The following PPID variants were observed in gnomAD, a reference collection of about 807,000 sequenced individuals.
PPID encodes peptidyl-prolyl cis-trans isomerase D.
In PPID, 47 loss-of-function variants were observed where a neutral mutation model predicts 48.1. The ratio of observed to expected loss-of-function variants is 0.98; its 90% CI spans 0.77 to 1.25. The LOEUF is 1.25. PPID is among the 50% of genes most tolerant of loss of function. The probability of loss-of-function intolerance (pLI) is 0.00; values close to 1 mark genes in which losing one functional copy is unlikely to be tolerated. For synonymous variants in PPID, 163 were observed against 148.8 expected, an observed-to-expected ratio of 1.10 and a Z score of -0.69; for missense variants, 429 against 443.5, an observed-to-expected ratio of 0.97 and a Z score of 0.29.
At chr4:158,723,145 C>G in intron 1 of PPID, 59 bp downstream of exon 1, 1 of 1,516,810 alleles carries the variant, frequency 6.6e-7, no homozygotes, top group Non-Finnish European at 9.0e-7. Context: ...TGGAATCCCC[C>G]AAATCCCGGG....
intron 3 of PPID, among the ~76,000 whole-genome samples, 154 bp from the exon 4 acceptor site, chr4:158,717,354 AT>A (rs1175589963): frequency 1.3e-5 from 2 of 152,176 alleles, no homozygotes; most frequent in Non-Finnish European, 2.9e-5. Flanking sequence ...CACTTATAAA[AT>A]TTTTTAATTA....
chr4:158,723,262 C>T lies in PPID; in HGVS notation c.27G>A (p.Lys9=), dbSNP rs770869818. 2 of 1,614,006 alleles carry T rather than the reference C, an allele frequency of 1.2e-6. No individual in the cohort carries two copies. The highest frequency in any genetic ancestry group is 1.7e-6 in the Non-Finnish European group (2 of 1,179,984). The change falls in exon 1 of 10, where the codon AAG becomes AAA. Residue 9 remains lysine, a synonymous_variant. Coordinates refer to ENST00000307720, the MANE Select transcript of PPID (RefSeq NM_005038.3). ...CTCGAGGGTTACTGGGGTTGGAGGG[C>T]TTGGCTTGGGGGGACGGGTGCGACA... MSHPSPQA[K]PSNPSNPRVF... is the part of the protein sequence containing the mutation.
At chr4:158,713,954 G>A (rs1387474774) in intron 6 of PPID, among the ~76,000 whole-genome samples, 1 of 152,034 alleles carries the variant, frequency 6.6e-6, no homozygotes, top group Non-Finnish European at 1.5e-5. Context: ...AGGTGAGGAG[G>A]GAGGATTGCT....
intron 5 of PPID, 58 bp from the exon 6 acceptor site, chr4:158,715,461 A>T: frequency 6.6e-7 from 1 of 1,522,622 alleles, no homozygotes. Context: ...TTAATGCTAG[A>T]TTCTATCATA....
chr4:158,723,187 C>A lies in PPID; in HGVS notation c.85+17G>T, dbSNP rs1321770986. ...CGCCTCCTCGGGGCTTTTCCGCGAG[C>A]GTCAGACTCCGCTCACCTCGCTCCC... On this transcript the variant is annotated intron_variant, in intron 1 of 9. Coordinates refer to ENST00000307720, the MANE Select transcript of PPID (RefSeq NM_005038.3). The A allele has an allele frequency of 6.2e-7, 1 of 1,608,780 alleles. No individual in the cohort carries two copies. Among genetic ancestry groups the A allele is most frequent in the Admixed American group, 1.7e-5 (1 of 59,698 alleles).
At chr4:158,710,579 A>G (rs749105954) in intron 9 of PPID, 49 bp downstream of exon 9, 1 of 1,567,470 alleles carries the variant, frequency 6.4e-7, no homozygotes, top group Non-Finnish European at 8.8e-7. Context: ...CCTGAGGATA[A>G]GTATTTAAAT....
Position 158,721,414 on chromosome 4 carries a change from C to T in PPID, c.155G>A (p.Cys52Tyr). 1.2e-6 allele frequency: 2 copies of T among 1,614,076 alleles called. No homozygotes were observed. Among genetic ancestry groups the T allele is most frequent in the Non-Finnish European group, 8.5e-7 (1 of 1,179,934 alleles). Residue 52 changes from cysteine to tyrosine, a missense_variant, in exon 2 of 10, where the codon TGT becomes TAT. Transcript: ENST00000307720. ...PKTAENFRAL[C>Y]TGEKGIGHTT... is the part of the protein sequence containing the mutation. ...GTGTCCAATGCCTTTTTCTCCTGTA[C>T]ACAGTGCACGAAAATTTTCCGCAGT...
intron 7 of PPID, among the ~76,000 whole-genome samples, chr4:158,711,785 G>C (rs1186694598): frequency 3.3e-5 from 5 of 151,930 alleles, no homozygotes; most frequent in Admixed American, 2.6e-4. Context: ...TGGGCAACAT[G>C]TCAAAAACCC....
Position 158,713,112 on chromosome 4 carries a change from G to C in PPID, c.894+7C>G, listed in dbSNP as rs1442835425. The C allele has an allele frequency of 7.4e-6, 12 of 1,613,018 alleles. No individual in the cohort carries two copies. In the East Asian group the frequency reaches 2.5e-4, roughly 33 times the overall value. ...TATTCAAAAAGTTCAAAATCAAACA[G>C]ACTTACCTCTAAACAACTGTCAATT... On this transcript the variant is annotated splice_region_variant and intron_variant, in intron 7 of 9. Transcript: ENST00000307720.
intron 3 of PPID, 70 bp downstream of exon 3, chr4:158,719,110 T>C (rs1400951436): frequency 9.6e-7 from 1 of 1,040,236 alleles, no homozygotes; most frequent in African/African-American, 1.6e-5. Context: ...TTTGGTGTCT[T>C]AATCCAACAA....
chr4:158,717,337 T>C (rs1398294708), intron 3 of PPID, 137 bp from the exon 4 acceptor site: 3 of 620,042 alleles, frequency 4.8e-6, no homozygotes, highest in Non-Finnish European at 7.2e-6. Flanking sequence ...TACTTTTTTT[T>C]ACTTTTCACT....
At chr4:158,713,089 T>C (rs1774815431) in intron 7 of PPID, 30 bp downstream of exon 7, 2 of 1,610,312 alleles carry the variant, frequency 1.2e-6, no homozygotes, top group South Asian at 1.1e-5. Context: ...ATCCAACTTA[T>C]TCAAAAAGTT....
In PPID at chr4:158,717,166, G is replaced by A; in HGVS notation, c.368C>T (p.Ala123Val). ...DREGLLSMAN[A>V]GRNTNGSQFF... is the part of the protein sequence containing the mutation. ...CTGAGAACCGTTTGTGTTGCGGCCT[G>A]CATTTGCCATGCTCAGTAAACCCTC... The change falls in exon 4 of 10, where the codon GCA (alanine) becomes GTA (valine). Residue 123 changes from alanine (A) to valine (V), a missense_variant. By Grantham distance (64) the Ala-to-Val change is moderately conservative. Coordinates refer to ENST00000307720, the MANE Select transcript of PPID (RefSeq NM_005038.3). 6.2e-7 allele frequency: 1 copy of A among 1,614,020 alleles called. No homozygotes were observed. Among genetic ancestry groups the A allele is most frequent in the Non-Finnish European group, 8.5e-7 (1 of 1,179,960 alleles).
chr4:158,722,649 C>A (rs961484347), intron 1 of PPID, among the ~76,000 whole-genome samples: 1 of 152,238 alleles, frequency 6.6e-6, no homozygotes, highest in Non-Finnish European at 1.5e-5. Context: ...GCAACACCAT[C>A]ACTACGTTGA....
intron 4 of PPID, 88 bp downstream of exon 4, chr4:158,716,923 TG>T: frequency 7.4e-7 from 1 of 1,352,098 alleles, no homozygotes; most frequent in Non-Finnish European, 1.0e-6. Context: ...ACCGCACCAC[TG>T]CACTCCAGCC....
Position 158,717,033 on chromosome 4 carries a change from C to G in PPID, c.501G>C (p.Val167=), listed in dbSNP as rs1774883240. ...TTACTTTAGCAGGTTTTTCACCTTT[C>G]ACTTCCACATTTTCCAATATCCTTG... is the stretch of plus-strand genomic sequence containing the variant. ...GVARILENVE[V]KGEKPAKLCV... The change falls in exon 4 of 10, where the codon GTG becomes GTC. Residue 167 remains valine, a synonymous_variant. Transcript: ENST00000307720. The G allele has an allele frequency of 5.0e-6, 8 of 1,613,260 alleles. No individual in the cohort carries two copies. The highest frequency in any genetic ancestry group is 2.2e-5 in the East Asian group (1 of 44,892).
intron 3 of PPID, among the ~76,000 whole-genome samples, chr4:158,717,803 G>A (rs1774896202): frequency 6.6e-6 from 1 of 152,192 alleles, no homozygotes; most frequent in African/African-American, 2.4e-5. Flanking sequence ...CACCTCTTCG[G>A]AGAGTGCTCA....
At position 158,719,214 on chromosome 4, in the gene PPID, C is replaced by T; in HGVS notation, c.299G>A (p.Gly100Asp). ...GAAATTTTCATCTTCAAATTTTTCA[C>T]CATAAATACTTTCTCCACCTGTCCC... ...QNGTGGESIY[G>D]EKFEDENFHY... is the part of the protein sequence containing the mutation. Residue 100 changes from glycine (G) to aspartate (D), a missense_variant, in exon 3 of 10, where the codon GGT becomes GAT. By Grantham distance (94) the Gly-to-Asp change is moderately conservative. Coordinates refer to ENST00000307720, the MANE Select transcript of PPID (RefSeq NM_005038.3). The T allele has an allele frequency of 6.2e-7, 1 of 1,607,860 alleles. No homozygotes were observed. Among genetic ancestry groups the T allele is most frequent in the Non-Finnish European group, 8.5e-7 (1 of 1,174,824 alleles).
intron 6 of PPID, among the ~76,000 whole-genome samples, chr4:158,713,549 A>G (rs1043049777): frequency 3.3e-5 from 5 of 152,174 alleles, no homozygotes; most frequent in Admixed American, 2.6e-4. Context: ...TTTCCAACAT[A>G]ATTATGTTTG....
Sources: gnomAD v4.1 joint callset for allele counts (sites outside exome capture counted in the v4.1 genomes callset) on GRCh38, gnomAD v4.1.1 for gene constraint, MANE v1.5 for transcripts, NCBI Gene and HGNC (gene_info 2026-07-23, HGNC 2026-07-21) for gene names.